Variants in NEMP2 observed in about 807,000 individuals in gnomAD.
The protein encoded by NEMP2 is nuclear envelope integral membrane protein 2, also known as UPF0571 transmembrane protein.
A neutral mutation model predicts 54.2 loss-of-function variants in NEMP2; 53 were observed. The ratio of observed to expected loss-of-function variants is 0.98; its 90% CI spans 0.78 to 1.23. NEMP2 has a LOEUF of 1.23. NEMP2 is among the 50% of genes most tolerant of loss of function. The probability of loss-of-function intolerance (pLI) is 0.00; values close to 1 mark genes in which losing one functional copy is unlikely to be tolerated. For synonymous variants in NEMP2, 197 were observed against 190.3 expected (o/e 1.04, Z -0.29); for missense variants, 455 against 511.3 (o/e 0.89, Z 1.06).
the NEMP2 span, among the ~76,000 whole-genome samples, chr2:190,421,439 T>C: frequency 2.6e-5 from 4 of 152,224 alleles, no homozygotes. Flanking sequence ...TCAGTTTTTA[T>C]TTTTAAAGTG....
chr2:190,500,405 A>G, downstream of NEMP2: 2 of 630,802 alleles, frequency 3.2e-6, no homozygotes, highest in Non-Finnish European at 5.4e-6. The surrounding 1 kb of genome is among the most constrained non-coding windows in gnomAD (Gnocchi z 5.3). Context: ...AGGAAAAGGT[A>G]AACTTTCGTA....
chr2:190,584,907 GA>G, the NEMP2 span, among the ~76,000 whole-genome samples: 2 of 21,614 alleles, frequency 9.3e-5, no homozygotes, highest in Non-Finnish European at 2.4e-4. The surrounding 1 kb of genome is among the most constrained non-coding windows in gnomAD (Gnocchi z 4.2). Flanking sequence ...ATGAAAGAAA[GA>G]AAGAAAGAAA....
chr2:190,560,290 A>C, the NEMP2 span, among the ~76,000 whole-genome samples: 4 of 152,196 alleles, frequency 2.6e-5, no homozygotes, highest in African/African-American at 9.7e-5. The surrounding 1 kb of genome is among the most constrained non-coding windows in gnomAD (Gnocchi z 5.4). Context: ...TCATGAATGC[A>C]GTGGTCTCCA....
rs1288979428 is a variant in NEMP2 at position 190,523,022 on chromosome 2, C to CCATT, written c.213+2237_213+2240dup. 1.3e-5 allele frequency among the ~76,000 whole-genome samples: 2 copies of CCATT among 152,068 alleles called. No individual in the cohort carries two copies. The highest frequency in any genetic ancestry group is 2.9e-5 in the Non-Finnish European group (2 of 68,016). On this transcript the variant is annotated intron_variant, in intron 2 of 8. Transcript: ENST00000409150. This position sits in a 1 kb window ranked among gnomAD's most constrained non-coding sequence, Gnocchi z 5.3. ...CAGAATCTGAGGGATGTGTCACAGG[C>CCATT]CATTGGTCACTCATATTTGGCTCAG...
At chr2:190,538,672 C>G (rs904089194), upstream of NEMP2, among the ~76,000 whole-genome samples, 1 of 151,896 alleles carries the variant, frequency 6.6e-6, no homozygotes, top group Non-Finnish European at 1.5e-5. This position sits in a 1 kb window ranked among gnomAD's most constrained non-coding sequence, Gnocchi z 4.1. Context: ...AAGTGAGATA[C>G]CTCATTGTGA....
the NEMP2 span, among the ~76,000 whole-genome samples, chr2:190,635,051 A>C: frequency 6.6e-6 from 1 of 152,090 alleles, no homozygotes; most frequent in African/African-American, 2.4e-5. This position sits in a 1 kb window ranked among gnomAD's most constrained non-coding sequence, Gnocchi z 4.1. Flanking sequence ...TGATTTGAGG[A>C]TTTTGTTTTG....
At chr2:190,437,483 G>C in the NEMP2 span, 2 of 1,614,180 alleles carry the variant, frequency 1.2e-6, no homozygotes, top group South Asian at 1.1e-5. This position sits in a 1 kb window ranked among gnomAD's most constrained non-coding sequence, Gnocchi z 5.9. Flanking sequence ...TTTGGGGTCT[G>C]TTCAGTCCTG....
At position 190,531,177 on chromosome 2, in the gene NEMP2, C is replaced by T. The variant is rs1316674116; in HGVS notation, c.97+3382G>A. 6.6e-6 allele frequency among the ~76,000 whole-genome samples: 1 copy of T among 152,132 alleles called. No individual in the cohort carries two copies. Among genetic ancestry groups the T allele is most frequent in the African/African-American group, 2.4e-5 (1 of 41,408 alleles). ...TTCATTTGGTCAAAAGGGAACAATA[C>T]CTGCCTAGGGAAAGCTACTGCTTCT... is the stretch of plus-strand genomic sequence containing the variant. On this transcript the variant is annotated intron_variant, in intron 1 of 8. Coordinates refer to ENST00000409150, the MANE Select transcript of NEMP2 (RefSeq NM_001142645.2). This position sits in a 1 kb window ranked among gnomAD's most constrained non-coding sequence, Gnocchi z 4.7.
At chr2:190,437,319 G>A in the NEMP2 span, 24 of 1,614,102 alleles carry the variant, frequency 1.5e-5, no homozygotes, top group South Asian at 5.5e-5. This position sits in a 1 kb window ranked among gnomAD's most constrained non-coding sequence, Gnocchi z 5.9. Flanking sequence ...CAAGCCACTC[G>A]CAGGCCTTCA....
chr2:190,645,859 AT>A, the NEMP2 span, among the ~76,000 whole-genome samples: 1 of 152,250 alleles, frequency 6.6e-6, no homozygotes, highest in African/African-American at 2.4e-5. Flanking sequence ...TGAAAAGACA[AT>A]CAAAACTATA....
Position 190,509,408 on chromosome 2 carries a change from A to T in NEMP2, c.1131-96T>A. 7.1e-7 allele frequency: 1 copy of T among 1,404,918 alleles called. No homozygotes were observed. Among genetic ancestry groups the T allele is most frequent in the African/African-American group, 1.4e-5 (1 of 69,372 alleles). 87.0% of individuals were successfully genotyped at this position (1,404,918 alleles called of 1,614,324 possible). A position where few individuals can be genotyped will look rare whatever the true frequency, so the allele number is the denominator to read the frequency against. Reference sequence around the variant, plus strand: ...CCTTGCTATTTATCCCCTTTAATTAAATTTGACTTTGCATCAATACAGGGT... The same window carrying T: ...CCTTGCTATTTATCCCCTTTAATTATATTTGACTTTGCATCAATACAGGGT... On this transcript the variant is annotated intron_variant, in intron 8 of 8. Coordinates refer to ENST00000409150, the MANE Select transcript of NEMP2 (RefSeq NM_001142645.2). This position sits in a 1 kb window ranked among gnomAD's most constrained non-coding sequence, Gnocchi z 6.1.
At chr2:190,591,986 G>A in the NEMP2 span, among the ~76,000 whole-genome samples, 1 of 152,086 alleles carries the variant, frequency 6.6e-6, no homozygotes, top group African/African-American at 2.4e-5. The surrounding 1 kb of genome is among the most constrained non-coding windows in gnomAD (Gnocchi z 5.4). Context: ...ATATGGAGGA[G>A]GAAATGATTA....
At chr2:190,631,159 G>T in the NEMP2 span, among the ~76,000 whole-genome samples, 4 of 152,186 alleles carry the variant, frequency 2.6e-5, no homozygotes, top group Admixed American at 1.3e-4. Context: ...TAAATTATTT[G>T]AAGATGTTGT....
the NEMP2 span, among the ~76,000 whole-genome samples, chr2:190,603,945 C>A: frequency 6.6e-6 from 1 of 152,142 alleles, no homozygotes; most frequent in Non-Finnish European, 1.5e-5. Context: ...TCTCCTCTAC[C>A]ATTTTCATTC....
intron 1 of NEMP2, 102 bp downstream of exon 1, chr2:190,534,457 G>T: frequency 8.0e-7 from 1 of 1,245,368 alleles, no homozygotes; most frequent in Non-Finnish European, 1.0e-6. Context: ...GCCCCAGTGG[G>T]CCTCGCGGTG....
the NEMP2 span, among the ~76,000 whole-genome samples, chr2:190,438,273 TGA>T: frequency 6.6e-6 from 1 of 151,958 alleles, no homozygotes; most frequent in Middle Eastern, 3.4e-3. This position sits in a 1 kb window ranked among gnomAD's most constrained non-coding sequence, Gnocchi z 5.2. Context: ...CCCAGCACTT[TGA>T]GAGGCCGAGG....
the NEMP2 span, among the ~76,000 whole-genome samples, chr2:190,638,652 G>C: frequency 6.6e-6 from 1 of 152,180 alleles, no homozygotes; most frequent in Non-Finnish European, 1.5e-5. This position sits in a 1 kb window ranked among gnomAD's most constrained non-coding sequence, Gnocchi z 5.7. Context: ...CCCTTCTACT[G>C]TATGGGTCTG....
chr2:190,435,975 A>G, the NEMP2 span: 3 of 1,532,078 alleles, frequency 2.0e-6, no homozygotes, highest in Non-Finnish European at 1.8e-6. Context: ...TTTACTTTAC[A>G]GATCAACAGT....
the NEMP2 span, among the ~76,000 whole-genome samples, chr2:190,594,546 G>A: frequency 1.4e-4 from 22 of 152,184 alleles, no homozygotes; most frequent in East Asian, 3.3e-3. This position sits in a 1 kb window ranked among gnomAD's most constrained non-coding sequence, Gnocchi z 5.6. Flanking sequence ...CCTTGCACAT[G>A]GTAGGTATTC....
Sources: allele counts gnomAD v4.1 joint callset (sites outside exome capture counted in the v4.1 genomes callset), GRCh38; gene constraint gnomAD v4.1.1; non-coding constraint Gnocchi (gnomAD v3.1); transcripts MANE v1.5; gene names NCBI Gene and HGNC (gene_info 2026-07-23, HGNC 2026-07-21).